Variants in THSD7B observed in about 807,000 individuals in gnomAD.
THSD7B encodes the protein thrombospondin type 1 domain containing 7B.
In THSD7B, 138 loss-of-function variants were observed where a neutral mutation model predicts 213.6. That is an observed-to-expected ratio of 0.65 (90% CI 0.56 to 0.74). The LOEUF is 0.74. Among genes scored for constraint, THSD7B ranks in the 30% least tolerant of loss-of-function variants. THSD7B has a pLI of 0.00. For synonymous variants in THSD7B, 742 were observed against 687.0 expected, an observed-to-expected ratio of 1.08 and a Z score of -1.25; for missense variants, 1,931 against 1,991.5, an observed-to-expected ratio of 0.97 and a Z score of 0.58.
At chr2:137,425,374 G>A in intron 14 of THSD7B, among the ~76,000 whole-genome samples, 1 of 151,666 alleles carries the variant, frequency 6.6e-6, no homozygotes, top group East Asian at 2.0e-4. Flanking sequence ...GCACCACCAC[G>A]CCCAGCTAAT....
At chr2:136,962,876 A>G (rs987187285) in intron 2 of THSD7B, among the ~76,000 whole-genome samples, 1 of 152,236 alleles carries the variant, frequency 6.6e-6, no homozygotes, top group Non-Finnish European at 1.5e-5. Context: ...GTTATAAAAC[A>G]GACACACATT....
intron 12 of THSD7B, among the ~76,000 whole-genome samples, chr2:137,380,257 GA>G (rs35787240): frequency 0.033 from 4,782 of 145,704 alleles, 262 homozygotes; most frequent in African/African-American, 0.11. Context: ...ACAAAAAATA[GA>G]AAAAAAAAAA....
chr2:136,775,004 C>T (rs1167352430), intron 1 of THSD7B, among the ~76,000 whole-genome samples: 9 of 152,048 alleles, frequency 5.9e-5, no homozygotes, highest in South Asian at 2.1e-4. Flanking sequence ...AGTAGATACA[C>T]GCAAGAGTAA....
intron 10 of THSD7B, 47 bp from the exon 11 acceptor site, chr2:137,272,486 A>G (rs772626428): frequency 2.1e-5 from 33 of 1,543,438 alleles, no homozygotes; most frequent in Non-Finnish European, 1.7e-6. Context: ...TTTGATCTGC[A>G]TCAACATAAA....
rs113192157 is a variant in THSD7B, at chr2:137,339,500, C to A, written c.2500+63474C>A. The stretch of plus-strand genomic sequence containing the variant: ...GAGCTGGGGTTCGCTGAATGCCAAA[C>A]ATCTAAATTGAAAAATAATAATTCA... On this transcript the variant is annotated intron_variant, in intron 12 of 27. Transcript: ENST00000409968. 9.1e-4 allele frequency among the ~76,000 whole-genome samples: 138 copies of A among 152,074 alleles called. 1 individual carries two copies. Among genetic ancestry groups the A allele is most frequent in the African/African-American group, 3.1e-3 (130 of 41,518 alleles).
At chr2:137,516,170 T>C (rs1680064106) in intron 15 of THSD7B, among the ~76,000 whole-genome samples, 1 of 152,334 alleles carries the variant, frequency 6.6e-6, no homozygotes, top group African/African-American at 2.4e-5. Context: ...TGTGTAGAGC[T>C]CTGACATGGG....
At chr2:137,606,804 G>A (rs1682188135) in intron 17 of THSD7B, among the ~76,000 whole-genome samples, 1 of 152,118 alleles carries the variant, frequency 6.6e-6, no homozygotes, top group African/African-American at 2.4e-5. Context: ...AGAGGAAGGA[G>A]GAGGAGAAGG....
At chr2:137,014,867 C>G (rs1192356895) in intron 2 of THSD7B, among the ~76,000 whole-genome samples, 1 of 152,080 alleles carries the variant, frequency 6.6e-6, no homozygotes, top group Admixed American at 6.6e-5. Flanking sequence ...GCTGTCTCTT[C>G]TAGTCTCCGG....
intron 6 of THSD7B, among the ~76,000 whole-genome samples, chr2:137,165,378 TAG>T (rs1490875814): frequency 6.6e-6 from 1 of 152,202 alleles, no homozygotes; most frequent in Non-Finnish European, 1.5e-5. Context: ...GAATGAAGAA[TAG>T]AGTTTTCCCT....
chr2:137,242,663 C>T (rs1363767916), intron 10 of THSD7B, 91 bp downstream of exon 10: 48 of 650,288 alleles, frequency 7.4e-5, no homozygotes, highest in South Asian at 2.7e-4. Context: ...ATGTGAGCAC[C>T]TTTTTTTTTT....
At chr2:137,212,084 C>G (rs1681125360) in intron 7 of THSD7B, among the ~76,000 whole-genome samples, 1 of 151,936 alleles carries the variant, frequency 6.6e-6, no homozygotes, top group Admixed American at 6.6e-5. Flanking sequence ...CTAATATAAC[C>G]TCACAAAGTC....
intron 25 of THSD7B, among the ~76,000 whole-genome samples, chr2:137,660,212 G>T (rs556546657): frequency 6.6e-6 from 1 of 151,722 alleles, no homozygotes; most frequent in African/African-American, 2.4e-5. Context: ...TGGGGTGGCG[G>T]TTATGCATGT....
chr2:136,844,259 T>A (rs1316343894), intron 1 of THSD7B, among the ~76,000 whole-genome samples: 1 of 152,096 alleles, frequency 6.6e-6, no homozygotes, highest in African/African-American at 2.4e-5. Flanking sequence ...ATGTGGTAAC[T>A]ATGAGGCAAC....
chr2:137,231,041 T>C lies in THSD7B; in HGVS notation c.1724-3T>C, dbSNP rs1681627311. ...CCAACTGTCTTGATCTTGTTGATTG[T>C]AGGAGAAGATGTATCAGGGAGTCTT... On this transcript the variant is annotated splice_polypyrimidine_tract_variant and splice_region_variant and intron_variant, in intron 7 of 27. Transcript: ENST00000409968. 1 of 1,612,364 alleles carries C rather than the reference T, an allele frequency of 6.2e-7. No homozygotes were observed. Among genetic ancestry groups the C allele is most frequent in the Non-Finnish European group, 8.5e-7 (1 of 1,179,438 alleles).
At position 137,651,968 on chromosome 2, in the gene THSD7B, G is replaced by A. The variant is rs192528850; in HGVS notation, c.3946-3533G>A. 2.4e-3 allele frequency among the ~76,000 whole-genome samples: 365 copies of A among 152,054 alleles called. 2 individuals carry two copies. Among genetic ancestry groups the A allele is most frequent in the Middle Eastern group, 0.014 (4 of 294 alleles). On this transcript the variant is annotated intron_variant, in intron 21 of 27. Coordinates refer to ENST00000409968, the MANE Select transcript of THSD7B (RefSeq NM_001316349.2). ...ATTTGTTGAAACTTGCTTTGTCGCC[G>A]AAGATATGGTTTATTCTGAAGAATG... is the stretch of plus-strand genomic sequence containing the variant.
intron 13 of THSD7B, among the ~76,000 whole-genome samples, chr2:137,408,752 G>A (rs1170037690): frequency 6.6e-6 from 1 of 152,162 alleles, no homozygotes; most frequent in East Asian, 1.9e-4. Flanking sequence ...TAGATGCTGT[G>A]CAAGTCCCTG....
At chr2:137,642,857 A>G (rs1682965265) in intron 21 of THSD7B, among the ~76,000 whole-genome samples, 1 of 152,172 alleles carries the variant, frequency 6.6e-6, no homozygotes, top group Non-Finnish European at 1.5e-5. Flanking sequence ...ACTGATTATA[A>G]TAGGTCAGGT....
At chr2:137,449,790 A>G (rs1432801184) in intron 14 of THSD7B, among the ~76,000 whole-genome samples, 3 of 152,154 alleles carry the variant, frequency 2.0e-5, no homozygotes, top group Non-Finnish European at 2.9e-5. Flanking sequence ...TTTTCACCCA[A>G]TTAAGCCAGG....
rs542866200 is a variant in THSD7B at position 137,147,647 on chromosome 2, G to C, written c.1370-12566G>C. ...ATTTCTCCTTGCTATCATTATTACAGATTTCCGTTCAGATACTTTTAGGTC... is the reference window on the plus strand; with the variant it reads ...ATTTCTCCTTGCTATCATTATTACACATTTCCGTTCAGATACTTTTAGGTC... On this transcript the variant is annotated intron_variant, in intron 5 of 27. Coordinates refer to ENST00000409968, the MANE Select transcript of THSD7B (RefSeq NM_001316349.2). 2.0e-5 allele frequency among the ~76,000 whole-genome samples: 3 copies of C among 152,108 alleles called. No individual in the cohort carries two copies. The South Asian group carries it at 6.2e-4, about 32-fold the overall frequency.
Sources: allele counts gnomAD v4.1 joint callset (sites outside exome capture counted in the v4.1 genomes callset), GRCh38; gene constraint gnomAD v4.1.1; transcripts MANE v1.5; gene names NCBI Gene and HGNC (gene_info 2026-07-23, HGNC 2026-07-21).